The following SCFD1 variants were observed in gnomAD, a reference collection of about 807,000 sequenced individuals.
SCFD1 encodes the protein sec1 family domain containing 1.
SCFD1 carries 37 observed loss-of-function variants against 103.2 expected under a neutral mutation model. That is an observed-to-expected ratio of 0.36 (90% confidence interval 0.28 to 0.47). SCFD1 has a LOEUF of 0.47. Ranked by LOEUF, SCFD1 falls within the 20% of genes least tolerant of loss-of-function variation. The pLI, the probability that SCFD1 is intolerant of heterozygous loss-of-function variation, is 1.00. For synonymous variants in SCFD1, 264 were observed against 245.0 expected (o/e 1.08, Z -0.73); for missense variants, 639 against 761.2 (o/e 0.84, Z 1.89).
At chr14:30,622,263 C>A, upstream of SCFD1, 1 of 1,574,022 alleles carries the variant, frequency 6.4e-7, no homozygotes, top group South Asian at 1.2e-5. Context: ...CCGGGCTTTG[C>A]TTCCGGGGCG....
At chr14:30,671,056 A>C (rs944300507) in intron 11 of SCFD1, among the ~76,000 whole-genome samples, 1 of 152,166 alleles carries the variant, frequency 6.6e-6, no homozygotes, top group African/African-American at 2.4e-5. Context: ...TTCATCAACA[A>C]TTATGAAAAT....
intron 21 of SCFD1, among the ~76,000 whole-genome samples, chr14:30,720,640 C>T (rs1028436316): frequency 6.6e-6 from 1 of 152,030 alleles, no homozygotes; most frequent in African/African-American, 2.4e-5. Flanking sequence ...TAAGCAATAC[C>T]TAATACAGTG....
In SCFD1 at chr14:30,694,765, T is replaced by G. The variant is rs765696141; in HGVS notation, c.1243-8T>G. 2.5e-6 allele frequency: 4 copies of G among 1,577,170 alleles called. No individual in the cohort carries two copies. The highest frequency in any genetic ancestry group is 2.6e-6 in the Non-Finnish European group (3 of 1,169,318). The stretch of plus-strand genomic sequence containing the variant: ...ATATATTCTCATCTAATGTTTATTT[T>G]GAAACAGGCAAGAAAATTGGATGTA... On this transcript the variant is annotated splice_polypyrimidine_tract_variant and splice_region_variant and intron_variant, in intron 14 of 24. Coordinates refer to ENST00000458591, the MANE Select transcript of SCFD1 (RefSeq NM_016106.4).
intron 10 of SCFD1, among the ~76,000 whole-genome samples, chr14:30,660,209 G>T (rs1887312236): frequency 6.6e-6 from 1 of 152,020 alleles, no homozygotes; most frequent in Non-Finnish European, 1.5e-5. Context: ...GCCATTTTTT[G>T]ATTGAAAGAA....
intron 14 of SCFD1, among the ~76,000 whole-genome samples, chr14:30,681,122 G>A (rs1889434981): frequency 6.6e-6 from 1 of 151,752 alleles, no homozygotes; most frequent in Non-Finnish European, 1.5e-5. Context: ...TCTGGAGGCT[G>A]AGGCATGAGA....
intron 23 of SCFD1, among the ~76,000 whole-genome samples, chr14:30,723,734 T>A (rs1339553238): frequency 6.6e-5 from 10 of 152,218 alleles, no homozygotes; most frequent in Admixed American, 2.6e-4. Context: ...GATCTTATTC[T>A]TTTTTATGCC....
At chr14:30,643,077 A>T (rs890418026) in intron 6 of SCFD1, among the ~76,000 whole-genome samples, 1 of 151,818 alleles carries the variant, frequency 6.6e-6, no homozygotes, top group Non-Finnish European at 1.5e-5. Context: ...GAAGGCTGAG[A>T]TGGGAGGATC....
chr14:30,706,665 G>A (rs1566648751), intron 18 of SCFD1, among the ~76,000 whole-genome samples: 2 of 152,124 alleles, frequency 1.3e-5, no homozygotes, highest in Non-Finnish European at 2.9e-5. Flanking sequence ...GACCCCAGTG[G>A]AGTATGTGTG....
At chr14:30,715,005 C>T (rs971574617) in intron 19 of SCFD1, among the ~76,000 whole-genome samples, 1 of 152,180 alleles carries the variant, frequency 6.6e-6, no homozygotes, top group Non-Finnish European at 1.5e-5. Flanking sequence ...CAACCTTTTG[C>T]CAGCACCTGT....
At chr14:30,665,224 T>C (rs1462424117) in intron 10 of SCFD1, among the ~76,000 whole-genome samples, 1 of 151,842 alleles carries the variant, frequency 6.6e-6, no homozygotes, top group East Asian at 1.9e-4. Context: ...AAGAAGAGAG[T>C]GGGGGGCAAT....
At chr14:30,625,799 A>G (rs1048950060) in intron 1 of SCFD1, among the ~76,000 whole-genome samples, 4 of 152,006 alleles carry the variant, frequency 2.6e-5, no homozygotes, top group Admixed American at 6.5e-5. Flanking sequence ...CCAAGGCTCA[A>G]AGTTGGAGAA....
chr14:30,733,764 G>T (rs930879040), intron 23 of SCFD1, among the ~76,000 whole-genome samples: 21 of 152,320 alleles, frequency 1.4e-4, no homozygotes, highest in Admixed American at 1.2e-3. Flanking sequence ...CTTGGTTTCT[G>T]CAGTTGAGCC....
intron 23 of SCFD1, among the ~76,000 whole-genome samples, chr14:30,734,209 C>T (rs1893676067): frequency 6.6e-6 from 1 of 152,092 alleles, no homozygotes; most frequent in Admixed American, 6.5e-5. Flanking sequence ...ATGAATTTAC[C>T]TTCAGGTTCA....
At position 30,643,307 on chromosome 14, in the gene SCFD1, T is replaced by C; in HGVS notation, c.524-9T>C. On this transcript the variant is annotated splice_polypyrimidine_tract_variant and intron_variant, in intron 6 of 24. Coordinates refer to ENST00000458591, the MANE Select transcript of SCFD1 (RefSeq NM_016106.4). The stretch of plus-strand genomic sequence containing the variant: ...GTCAACTTTTTCTCCTTTTCCTATG[T>C]CATTTTAGCCATTAACAGGCCAGAT... The C allele has an allele frequency of 6.3e-7, 1 of 1,587,968 alleles. No individual in the cohort carries two copies. Among genetic ancestry groups the C allele is most frequent in the Non-Finnish European group, 8.6e-7 (1 of 1,156,398 alleles).
intron 19 of SCFD1, among the ~76,000 whole-genome samples, chr14:30,713,340 G>A (rs1405249584): frequency 6.6e-6 from 1 of 152,128 alleles, no homozygotes; most frequent in Non-Finnish European, 1.5e-5. Context: ...GATGGTTTTG[G>A]TGTGTTATTT....
intron 14 of SCFD1, chr14:30,683,000 G>A (rs981754383): frequency 3.3e-5 from 33 of 988,526 alleles, no homozygotes; most frequent in Admixed American, 4.9e-5. Flanking sequence ...GACCATCTAA[G>A]GAAAAGTTAA....
chr14:30,653,556 T>C lies in SCFD1; in HGVS notation c.823T>C (p.Trp275Arg). ...TTTGGCAACTCCTTTACATCATACT[T>C]GGACATATCAAGCATTGGTGCACGA... ...IDLATPLHHTWTYQALVHDVL... is the reference protein window; with the variant it reads ...IDLATPLHHTRTYQALVHDVL... Residue 275 changes from tryptophan to arginine, a missense_variant, in exon 10 of 25, where the codon TGG (tryptophan) becomes CGG (arginine). Coordinates refer to ENST00000458591, the MANE Select transcript of SCFD1 (RefSeq NM_016106.4). 6.2e-7 allele frequency: 1 copy of C among 1,613,450 alleles called. No individual in the cohort carries two copies. The highest frequency in any genetic ancestry group is 8.5e-7 in the Non-Finnish European group (1 of 1,179,446).
intron 3 of SCFD1, chr14:30,631,050 C>T (rs984085882): frequency 6.5e-6 from 1 of 153,818 alleles, no homozygotes; most frequent in Non-Finnish European, 1.4e-5. Context: ...TCAGATCTAA[C>T]ACATAGCCTC....
Position 30,628,236 on chromosome 14 carries a change from A to T in SCFD1, c.89A>T (p.Asn30Ile). The T allele has an allele frequency of 1.2e-6, 2 of 1,612,164 alleles. No individual in the cohort carries two copies. The change falls in exon 2 of 25, where the codon AAT (asparagine) becomes ATT (isoleucine). Residue 30 changes from asparagine to isoleucine, a missense_variant. Asn to Ile is a moderately radical substitution (Grantham distance 149). Coordinates refer to ENST00000458591, the MANE Select transcript of SCFD1 (RefSeq NM_016106.4). Reference sequence around the variant, plus strand: ...GCTTTGAAGCGTATGTTGAATTTCAATGTGCCTCATATTAAAAACAGCACA... The same window carrying T: ...GCTTTGAAGCGTATGTTGAATTTCATTGTGCCTCATATTAAAAACAGCACA... ...TVALKRMLNF[N>I]VPHIKNSTGE...
Sources: allele counts gnomAD v4.1 joint callset (sites outside exome capture counted in the v4.1 genomes callset), GRCh38; gene constraint gnomAD v4.1.1; transcripts MANE v1.5; gene names NCBI Gene and HGNC (gene_info 2026-07-23, HGNC 2026-07-21).